The following TRIM36 variants were observed in gnomAD, a reference collection of about 807,000 sequenced individuals.
TRIM36 encodes E3 ubiquitin-protein ligase TRIM36.
TRIM36 carries 42 observed loss-of-function variants against 72.4 expected under a neutral mutation model. The observed-to-expected ratio is 0.58, with a 90% confidence interval of 0.45 to 0.75. TRIM36 has a LOEUF of 0.75. Ranked by LOEUF, TRIM36 falls within the 30% of genes least tolerant of loss-of-function variation. The pLI is 0.00. For missense variants in TRIM36, 913 were observed against 857.1 expected (o/e 1.07, Z -0.81); for synonymous variants, 315 against 282.8 (o/e 1.11, Z -1.14).
chr5:115,157,951 G>A (rs1457482158), intron 2 of TRIM36, among the ~76,000 whole-genome samples: 2 of 152,080 alleles, frequency 1.3e-5, no homozygotes, highest in Admixed American at 1.3e-4. Context: ...AATGGACTCT[G>A]GGGACTCAGG....
At chr5:115,170,073 T>A, upstream of TRIM36, 2 of 713,452 alleles carry the variant, frequency 2.8e-6, no homozygotes, top group Non-Finnish European at 1.7e-6. Flanking sequence ...GGGACTCGGC[T>A]GGGCGTGGGT....
chr5:115,153,088 G>T (rs1403766513), intron 2 of TRIM36, among the ~76,000 whole-genome samples: 1 of 152,078 alleles, frequency 6.6e-6, no homozygotes, highest in African/African-American at 2.4e-5. Context: ...AAAAGACAAA[G>T]AATTGCAGAA....
chr5:115,140,996 C>T (rs1753245766), intron 5 of TRIM36, among the ~76,000 whole-genome samples: 1 of 152,134 alleles, frequency 6.6e-6, no homozygotes, highest in African/African-American at 2.4e-5. Context: ...CCTTATGTTA[C>T]TATTAAATAC....
upstream of TRIM36, among the ~76,000 whole-genome samples, chr5:115,171,427 G>T (rs560017186): frequency 6.6e-6 from 1 of 152,330 alleles, no homozygotes; most frequent in East Asian, 1.9e-4. Flanking sequence ...GTTCTGAAAA[G>T]TGCTAATCAG....
At chr5:115,131,665 T>C (rs1326489196) in intron 8 of TRIM36, among the ~76,000 whole-genome samples, 3 of 152,200 alleles carry the variant, frequency 2.0e-5, no homozygotes, top group Non-Finnish European at 4.4e-5. Context: ...TGCTACAACA[T>C]GGATAAATTT....
At chr5:115,141,440 T>A in intron 4 of TRIM36, 66 bp from the exon 5 acceptor site, 1 of 1,103,634 alleles carries the variant, frequency 9.1e-7, no homozygotes, top group East Asian at 2.6e-5. Flanking sequence ...TGCAGAATTT[T>A]TTTTTAATTA....
intron 4 of TRIM36, among the ~76,000 whole-genome samples, chr5:115,144,259 C>G: frequency 6.6e-6 from 1 of 152,092 alleles, no homozygotes. Context: ...TTAAAACAGC[C>G]ACAACCCTTT....
chr5:115,169,884 T>A lies in TRIM36; in HGVS notation c.-250A>T, dbSNP rs1755009114. 4 of 1,303,150 alleles carry A rather than the reference T, an allele frequency of 3.1e-6. No individual in the cohort carries two copies. The highest frequency in any genetic ancestry group is 3.9e-6 in the Non-Finnish European group (4 of 1,025,146). The allele number at this position is 1,303,150 out of a possible 1,614,324, so 80.7% of individuals were successfully genotyped here. A position where few individuals can be genotyped will look rare whatever the true frequency, so the allele number is the denominator to read the frequency against. ...CCGGGAATCCCGCCCAGCTGCCGGC[T>A]GCAGCAGCGGCTCCTGCGGACTGCG... On this transcript the variant is annotated 5_prime_UTR_variant, in exon 1 of 10. Coordinates refer to ENST00000513154, the MANE Select transcript of TRIM36 (RefSeq NM_001300759.2).
At chr5:115,172,915 A>G (rs961377035), upstream of TRIM36, among the ~76,000 whole-genome samples, 1 of 152,224 alleles carries the variant, frequency 6.6e-6, no homozygotes, top group Admixed American at 6.5e-5. Flanking sequence ...CTCTTCACTC[A>G]CATTGTATTA....
At chr5:115,136,215 T>C (rs566120154) in intron 7 of TRIM36, among the ~76,000 whole-genome samples, 1 of 150,368 alleles carries the variant, frequency 6.7e-6, no homozygotes, top group African/African-American at 2.4e-5. Flanking sequence ...AAAGAGGAAA[T>C]TAAATTAAAA....
At chr5:115,167,734 C>A (rs1754866741) in intron 1 of TRIM36, among the ~76,000 whole-genome samples, 1 of 152,218 alleles carries the variant, frequency 6.6e-6, no homozygotes. Flanking sequence ...CCAAACTGTT[C>A]CAATCTCTGC....
intron 7 of TRIM36, among the ~76,000 whole-genome samples, chr5:115,134,567 G>A (rs138994997): frequency 6.6e-6 from 1 of 151,322 alleles, no homozygotes; most frequent in Non-Finnish European, 1.5e-5. Flanking sequence ...TTAAGATGGA[G>A]TGTTGCTCTG....
chr5:115,136,953 CA>C, intron 7 of TRIM36, 46 bp downstream of exon 7: 1 of 1,514,430 alleles, frequency 6.6e-7, no homozygotes, highest in Non-Finnish European at 8.8e-7. Flanking sequence ...CCACACAATA[CA>C]AATTCAGACA....
chr5:115,131,624 T>C (rs1209355680), intron 8 of TRIM36, among the ~76,000 whole-genome samples: 1 of 152,218 alleles, frequency 6.6e-6, no homozygotes, highest in Admixed American at 6.5e-5. Context: ...TGGAATATTA[T>C]TCAGCCTTAA....
At chr5:115,152,810 A>G (rs894693354) in intron 2 of TRIM36, among the ~76,000 whole-genome samples, 4 of 152,208 alleles carry the variant, frequency 2.6e-5, no homozygotes, top group African/African-American at 7.2e-5. Context: ...AGACAAACAA[A>G]TGCTGAGAGA....
upstream of TRIM36, among the ~76,000 whole-genome samples, chr5:115,171,847 G>C (rs180989120): frequency 2.0e-5 from 3 of 152,312 alleles, no homozygotes; most frequent in East Asian, 5.8e-4. Context: ...TACTTATGCA[G>C]TGGGCACAAC....
chr5:115,169,697 G>A lies in TRIM36; in HGVS notation c.-63C>T. On this transcript the variant is annotated 5_prime_UTR_variant, in exon 1 of 10. Coordinates refer to ENST00000513154, the MANE Select transcript of TRIM36 (RefSeq NM_001300759.2). ...ACTCACACCGGCTACCGAGCGCAGGGTCTGGTGGGCGGGTCCCTGCGGCGG... is the reference window on the plus strand; with the variant it reads ...ACTCACACCGGCTACCGAGCGCAGGATCTGGTGGGCGGGTCCCTGCGGCGG... 2.7e-6 allele frequency: 4 copies of A among 1,505,474 alleles called. No individual in the cohort carries two copies. The highest frequency in any genetic ancestry group is 3.5e-6 in the Non-Finnish European group (4 of 1,128,910). 93.3% of individuals were successfully genotyped at this position (1,505,474 alleles called of 1,614,324 possible). A position where few individuals can be genotyped will look rare whatever the true frequency, so the allele number is the denominator to read the frequency against.
intron 1 of TRIM36, among the ~76,000 whole-genome samples, chr5:115,166,785 C>A (rs1271599390): frequency 6.6e-6 from 1 of 152,208 alleles, no homozygotes; most frequent in Non-Finnish European, 1.5e-5. Flanking sequence ...CTTTGTGGCT[C>A]TGCAGTTGCC....
At chr5:115,137,938 G>C (rs1753052053) in intron 5 of TRIM36, among the ~76,000 whole-genome samples, 1 of 152,110 alleles carries the variant, frequency 6.6e-6, no homozygotes, top group Admixed American at 6.6e-5. Context: ...AAACAATTTA[G>C]TCAATTAAAT....
Sources: allele counts gnomAD v4.1 joint callset (sites outside exome capture counted in the v4.1 genomes callset), GRCh38; gene constraint gnomAD v4.1.1; transcripts MANE v1.5; gene names NCBI Gene and HGNC (gene_info 2026-07-23, HGNC 2026-07-21).